DPP10: variants seen among roughly 807,000 people sequenced by gnomAD.
DPP10 encodes inactive dipeptidyl peptidase 10.
In DPP10, 33 loss-of-function variants were observed where a neutral mutation model predicts 120.9. The observed-to-expected ratio is 0.27, with a 90% CI of 0.21 to 0.37. The LOEUF is 0.37. Ranked by LOEUF, DPP10 falls within the 10% of genes least tolerant of loss-of-function variation. The probability of loss-of-function intolerance (pLI) is 1.00; values close to 1 mark genes in which losing one functional copy is unlikely to be tolerated. For missense variants in DPP10, 816 were observed against 942.8 expected, an observed-to-expected ratio of 0.87 and a Z score of 1.76; for synonymous variants, 337 against 326.1, an observed-to-expected ratio of 1.03 and a Z score of -0.36.
intron 5 of DPP10, among the ~76,000 whole-genome samples, chr2:115,555,858 A>C (rs1012104996): frequency 1.3e-5 from 2 of 152,052 alleles, no homozygotes; most frequent in Non-Finnish European, 2.9e-5. Flanking sequence ...TGAAATGTGT[A>C]TGTTTCTTTT....
chr2:115,794,010 C>T (rs970628724), intron 19 of DPP10, among the ~76,000 whole-genome samples: 2 of 152,108 alleles, frequency 1.3e-5, no homozygotes, highest in East Asian at 3.9e-4. Flanking sequence ...TGATTTAAAG[C>T]CATATTTTTT....
At chr2:114,719,374 C>T (rs1024364774) in intron 1 of DPP10, among the ~76,000 whole-genome samples, 5 of 152,148 alleles carry the variant, frequency 3.3e-5, no homozygotes, top group Admixed American at 6.5e-5. Flanking sequence ...GCACAAGATG[C>T]GACATATCCA....
intron 21 of DPP10, among the ~76,000 whole-genome samples, chr2:115,829,913 A>T (rs1048118037): frequency 6.6e-6 from 1 of 152,168 alleles, no homozygotes; most frequent in African/African-American, 2.4e-5. Context: ...GATTGAAGAC[A>T]TTAAGCAACT....
At chr2:115,542,961 G>T (rs1268390603) in intron 5 of DPP10, among the ~76,000 whole-genome samples, 1 of 151,776 alleles carries the variant, frequency 6.6e-6, no homozygotes, top group East Asian at 1.9e-4. Context: ...GGAATATAAA[G>T]AACTTTATAT....
At chr2:115,675,416 T>G (rs1351051062) in intron 5 of DPP10, among the ~76,000 whole-genome samples, 1 of 147,058 alleles carries the variant, frequency 6.8e-6, no homozygotes, top group Non-Finnish European at 1.5e-5. Flanking sequence ...ACTCACCTCC[T>G]CCACAAAGAA....
At chr2:115,444,882 C>T (rs2072425647) in intron 3 of DPP10, among the ~76,000 whole-genome samples, 1 of 152,106 alleles carries the variant, frequency 6.6e-6, no homozygotes, top group African/African-American at 2.4e-5. Flanking sequence ...ATTTGGCTCA[C>T]ATTAGCTAAC....
At chr2:114,468,369 ATTGGATGACC>A (rs1241953276) in intron 1 of DPP10, among the ~76,000 whole-genome samples, 2 of 131,290 alleles carry the variant, frequency 1.5e-5, no homozygotes, top group East Asian at 4.9e-4. Context: ...AACACATTTC[ATTGGATGACC>A]TTGTCAGGCT....
intron 7 of DPP10, among the ~76,000 whole-genome samples, chr2:115,722,692 A>G (rs1368968157): frequency 6.6e-6 from 1 of 152,132 alleles, no homozygotes; most frequent in Non-Finnish European, 1.5e-5. Flanking sequence ...TTAAAATCTC[A>G]TGGACCACCC....
Position 115,634,609 on chromosome 2 carries a change from A to C in DPP10, c.442-55078A>C, listed in dbSNP as rs191304191. On this transcript the variant is annotated intron_variant, in intron 5 of 25. Coordinates refer to ENST00000410059, the MANE Select transcript of DPP10 (RefSeq NM_020868.6). Reference sequence around the variant, plus strand: ...CTTTCCTCTGGGATCTCTGTACCAGAGGGGCACTGACCTGATGCCAACAGA... The same window carrying C: ...CTTTCCTCTGGGATCTCTGTACCAGCGGGGCACTGACCTGATGCCAACAGA... Among the ~76,000 whole-genome samples, 295 of 152,228 alleles carry C rather than the reference A, an allele frequency of 1.9e-3. 3 individuals are homozygous for C. The highest frequency in any genetic ancestry group is 6.6e-3 in the African/African-American group (275 of 41,540).
At chr2:115,842,164 A>G (rs1329365064) in intron 25 of DPP10, 47 bp from the exon 26 acceptor site, 3 of 1,524,862 alleles carry the variant, frequency 2.0e-6, no homozygotes, top group African/African-American at 2.7e-5. Context: ...GCGAGAGACA[A>G]TAGCTTCTTG....
chr2:114,845,593 A>T (rs756460680), intron 1 of DPP10, among the ~76,000 whole-genome samples: 2 of 152,090 alleles, frequency 1.3e-5, no homozygotes, highest in Non-Finnish European at 2.9e-5. Context: ...TTTCTCAGCA[A>T]CTTCAGTGTC....
intron 1 of DPP10, among the ~76,000 whole-genome samples, chr2:114,755,913 A>T (rs1679691090): frequency 6.6e-6 from 1 of 151,082 alleles, no homozygotes; most frequent in African/African-American, 2.4e-5. Context: ...TCTATGTGTC[A>T]GTAGTTAAAA....
chr2:115,751,612 A>G (rs1384214022), intron 10 of DPP10, among the ~76,000 whole-genome samples: 1 of 152,152 alleles, frequency 6.6e-6, no homozygotes, highest in Non-Finnish European at 1.5e-5. Flanking sequence ...CTTCACTTTG[A>G]TAGGCTAACA....
chr2:115,733,253 A>T (rs1575625283), intron 8 of DPP10, among the ~76,000 whole-genome samples: 1 of 152,218 alleles, frequency 6.6e-6, no homozygotes, highest in East Asian at 1.9e-4. Flanking sequence ...TTTCACATTA[A>T]TGTCTTTTGG....
chr2:115,093,273 CAT>C (rs1354072199), intron 1 of DPP10, among the ~76,000 whole-genome samples: 1 of 152,034 alleles, frequency 6.6e-6, no homozygotes, highest in Non-Finnish European at 1.5e-5. Context: ...TGAATTCAGT[CAT>C]ATAGTCACAA....
At chr2:114,458,759 C>T (rs1678714619) in intron 1 of DPP10, among the ~76,000 whole-genome samples, 1 of 152,048 alleles carries the variant, frequency 6.6e-6, no homozygotes. Context: ...AAATAATAGC[C>T]ATCTTCATTA....
intron 1 of DPP10, among the ~76,000 whole-genome samples, chr2:114,450,740 A>G (rs1678217950): frequency 6.6e-6 from 1 of 152,038 alleles, no homozygotes; most frequent in African/African-American, 2.4e-5. Context: ...AAAAAAAAAA[A>G]AAGGTTTTGC....
At chr2:115,530,933 A>T (rs769719360) in intron 5 of DPP10, among the ~76,000 whole-genome samples, 1 of 152,120 alleles carries the variant, frequency 6.6e-6, no homozygotes, top group Non-Finnish European at 1.5e-5. Flanking sequence ...TCTTCCACCC[A>T]TTGAAGACTT....
At chr2:114,620,039 T>A (rs953611237) in intron 1 of DPP10, among the ~76,000 whole-genome samples, 6 of 151,996 alleles carry the variant, frequency 3.9e-5, no homozygotes, top group African/African-American at 1.2e-4. Context: ...AAATCTCGGT[T>A]TAAGTTGGAA....
Sources: allele counts gnomAD v4.1 joint callset (sites outside exome capture counted in the v4.1 genomes callset), GRCh38; gene constraint gnomAD v4.1.1; transcripts MANE v1.5; gene names NCBI Gene and HGNC (gene_info 2026-07-23, HGNC 2026-07-21).